Variants in KIF21A observed in about 807,000 individuals in gnomAD.
KIF21A encodes the protein kinesin family member 21A, also known as kinesin-like protein KIF21A.
A neutral mutation model predicts 202.9 loss-of-function variants in KIF21A; 114 were observed. The observed-to-expected ratio is 0.56, with a 90% CI of 0.48 to 0.66. The LOEUF (loss-of-function observed/expected upper bound fraction) is 0.66, where lower values mean the gene tolerates loss of function less well. KIF21A is among the 30% of genes least tolerant of loss of function. The probability of loss-of-function intolerance (pLI) is 0.00; values close to 1 mark genes in which losing one functional copy is unlikely to be tolerated. For missense variants in KIF21A, 1,677 were observed against 1,994.9 expected (o/e 0.84, Z 3.04); for synonymous variants, 667 against 670.8 (o/e 0.99, Z 0.09).
In KIF21A at chr12:39,366,382, C is replaced by A; in HGVS notation, c.871G>T (p.Ala291Ser). 1 of 1,614,014 alleles carries A rather than the reference C, an allele frequency of 6.2e-7. No homozygotes were observed. The highest frequency in any genetic ancestry group is 8.5e-7 in the Non-Finnish European group (1 of 1,179,942). ...LKRTGATGERAKEGISINCGL... is the reference protein window; with the variant it reads ...LKRTGATGERSKEGISINCGL... Reference sequence around the variant, plus strand: ...CAGTTGATAGAAATGCCTTCTTTTGCCCTCTCGCCTGTAGCTCCAGTACGC... The same window carrying A: ...CAGTTGATAGAAATGCCTTCTTTTGACCTCTCGCCTGTAGCTCCAGTACGC... The change falls in exon 6 of 38, where the codon GCA becomes TCA. Residue 291 changes from alanine (A) to serine (S), a missense_variant. This residue lies in a region of KIF21A where 966 missense variants were observed against 1,180.9 expected (regional missense o/e 0.82). Transcript: ENST00000361418.
intron 1 of KIF21A, among the ~76,000 whole-genome samples, chr12:39,439,105 A>G (rs1939218518): frequency 6.6e-6 from 1 of 152,130 alleles, no homozygotes; most frequent in Admixed American, 6.5e-5. Flanking sequence ...TTGCTGTTGA[A>G]TCACATCTTA....
At chr12:39,386,058 T>C (rs913817210) in intron 1 of KIF21A, among the ~76,000 whole-genome samples, 1 of 152,208 alleles carries the variant, frequency 6.6e-6, no homozygotes, top group African/African-American at 2.4e-5. Flanking sequence ...ATATGTATCC[T>C]ATGTTTTGTG....
intron 17 of KIF21A, among the ~76,000 whole-genome samples, chr12:39,336,500 C>A (rs140055574): frequency 6.6e-5 from 10 of 152,218 alleles, no homozygotes; most frequent in East Asian, 3.9e-4. Flanking sequence ...ACCATAATTT[C>A]TTTAACCATT....
chr12:39,315,775 T>C, intron 30 of KIF21A, 157 bp downstream of exon 30: 1 of 727,466 alleles, frequency 1.4e-6, no homozygotes. Context: ...ACCACAAAAA[T>C]GTATTAAAAT....
intron 8 of KIF21A, 82 bp from the exon 9 acceptor site, chr12:39,357,519 A>G: frequency 1.7e-6 from 2 of 1,191,652 alleles, no homozygotes; most frequent in Non-Finnish European, 2.5e-6. Context: ...CTATAACTAT[A>G]CAATTCTCTA....
At chr12:39,441,659 G>GAAAAAAAAAAA (rs1939597826) in intron 1 of KIF21A, among the ~76,000 whole-genome samples, 1 of 1,168 alleles carries the variant, frequency 8.6e-4, no homozygotes, top group Non-Finnish European at 1.7e-3. Context: ...TCCCTGGGTG[G>GAAAAAAAAAAA]TAAAAAAAAA....
chr12:39,328,529 C>G (rs937349420), intron 24 of KIF21A, among the ~76,000 whole-genome samples: 44 of 152,140 alleles, frequency 2.9e-4, no homozygotes, highest in African/African-American at 9.9e-4. Flanking sequence ...TCTAGCAAAT[C>G]TCTGATGATA....
intron 1 of KIF21A, among the ~76,000 whole-genome samples, chr12:39,413,738 T>C (rs1478130711): frequency 6.6e-6 from 1 of 152,118 alleles, no homozygotes; most frequent in African/African-American, 2.4e-5. Context: ...TGTGCCACTG[T>C]ACTCCGGCCA....
chr12:39,336,237 A>C (rs990045896), intron 17 of KIF21A, among the ~76,000 whole-genome samples: 1 of 151,846 alleles, frequency 6.6e-6, no homozygotes, highest in African/African-American at 2.4e-5. Context: ...TCTTTTAAGA[A>C]AAAAAAAATC....
At chr12:39,323,884 G>A (rs1035066481) in intron 26 of KIF21A, among the ~76,000 whole-genome samples, 1 of 152,134 alleles carries the variant, frequency 6.6e-6, no homozygotes, top group Non-Finnish European at 1.5e-5. Flanking sequence ...GCCGAGGCAG[G>A]TGGATCACGA....
chr12:39,433,328 G>T (rs1592731775), intron 1 of KIF21A, among the ~76,000 whole-genome samples: 1 of 151,820 alleles, frequency 6.6e-6, no homozygotes, highest in East Asian at 1.9e-4. Flanking sequence ...AGTATTGCAG[G>T]CACATTGCCC....
chr12:39,303,601 T>C (rs1458995401), intron 35 of KIF21A, among the ~76,000 whole-genome samples: 2 of 152,250 alleles, frequency 1.3e-5, no homozygotes, highest in Non-Finnish European at 2.9e-5. Flanking sequence ...TTACATGCTT[T>C]GTGTCTGTAG....
intron 1 of KIF21A, among the ~76,000 whole-genome samples, chr12:39,398,128 G>A (rs534499826): frequency 1.3e-4 from 20 of 152,292 alleles, no homozygotes; most frequent in African/African-American, 4.6e-4. Flanking sequence ...GTACAACAAT[G>A]TTGTATACAC....
chr12:39,363,548 TCTC>T (rs1484146184), intron 6 of KIF21A, among the ~76,000 whole-genome samples: 1 of 152,138 alleles, frequency 6.6e-6, no homozygotes, highest in Non-Finnish European at 1.5e-5. Context: ...TACGCATTCT[TCTC>T]CTCAACTCAA....
At chr12:39,369,025 A>G (rs1380925574) in intron 3 of KIF21A, among the ~76,000 whole-genome samples, 1 of 152,178 alleles carries the variant, frequency 6.6e-6, no homozygotes, top group African/African-American at 2.4e-5. Flanking sequence ...CTATGCAAGG[A>G]TAACAATTTC....
chr12:39,426,900 AAAAG>A (rs1954808277), intron 1 of KIF21A, among the ~76,000 whole-genome samples: 1 of 150,804 alleles, frequency 6.6e-6, no homozygotes, highest in South Asian at 2.1e-4. Context: ...AAAAAAAAAG[AAAAG>A]AAAGAAAATT....
chr12:39,441,799 G>A (rs1449745606), intron 1 of KIF21A, among the ~76,000 whole-genome samples: 2 of 151,980 alleles, frequency 1.3e-5, no homozygotes, highest in African/African-American at 2.4e-5. Context: ...ATGTTTAGAG[G>A]GGAGAATTTT....
intron 3 of KIF21A, 106 bp from the exon 4 acceptor site, chr12:39,368,138 C>A: frequency 2.8e-6 from 2 of 711,038 alleles, no homozygotes; most frequent in East Asian, 2.6e-5. Flanking sequence ...TAAAGTATTT[C>A]AAAATGACAT....
intron 1 of KIF21A, among the ~76,000 whole-genome samples, chr12:39,430,782 G>A (rs1330535834): frequency 6.6e-6 from 1 of 152,018 alleles, no homozygotes; most frequent in Admixed American, 6.6e-5. Flanking sequence ...TTGTTTGAGG[G>A]TAGGGCCTTT....
Sources: allele counts gnomAD v4.1 joint callset (sites outside exome capture counted in the v4.1 genomes callset), GRCh38; gene constraint gnomAD v4.1.1; regional missense constraint gnomAD v4.1.1; transcripts MANE v1.5; gene names NCBI Gene and HGNC (gene_info 2026-07-23, HGNC 2026-07-21).